Variants in ANKMY2 observed in about 807,000 individuals in gnomAD.
ANKMY2 encodes ankyrin repeat and MYND domain containing 2.
In ANKMY2, 36 loss-of-function variants were observed where a neutral mutation model predicts 50.4. The observed-to-expected ratio is 0.71, with a 90% CI of 0.55 to 0.94. The LOEUF is 0.94. Among genes scored for constraint, ANKMY2 ranks in the 40% least tolerant of loss-of-function variants. ANKMY2 has a pLI of 0.00. For synonymous variants in ANKMY2, 187 were observed against 178.8 expected (o/e 1.05, Z -0.36); for missense variants, 565 against 524.0 (o/e 1.08, Z -0.76).
chr7:16,604,754 C>G lies in ANKMY2; in HGVS notation c.978G>C (p.Lys326Asn). Residue 326 changes from lysine (K) to asparagine (N), a missense_variant, in exon 8 of 10, where the codon AAG becomes AAC. By Grantham distance (94) the Lys-to-Asn change is moderately conservative (BLOSUM62 0). Coordinates refer to ENST00000306999, the MANE Select transcript of ANKMY2 (RefSeq NM_020319.3). ...AAACTGAACATCTTTTACTTGCTCC[C>G]TTTTCTCCACAGGTAGTGCAAAATT... is the stretch of plus-strand genomic sequence containing the variant. Reference protein sequence around the residue: ...DVEFCTTCGEKGASKRCSVCK... With the variant: ...DVEFCTTCGENGASKRCSVCK... The G allele has an allele frequency of 6.2e-7, 1 of 1,613,952 alleles. No individual in the cohort carries two copies. The highest frequency in any genetic ancestry group is 8.5e-7 in the Non-Finnish European group (1 of 1,179,888).
chr7:16,639,190 C>T (rs189790509), intron 1 of ANKMY2, among the ~76,000 whole-genome samples: 1 of 152,330 alleles, frequency 6.6e-6, no homozygotes, highest in Admixed American at 6.5e-5. Context: ...AAACACATGG[C>T]TCACACAGAA....
intron 7 of ANKMY2, among the ~76,000 whole-genome samples, chr7:16,608,682 G>C (rs968336964): frequency 2.0e-5 from 3 of 152,172 alleles, no homozygotes; most frequent in African/African-American, 4.8e-5. Context: ...AATGGGTATA[G>C]ATAGGGTAAA....
In ANKMY2 at chr7:16,630,543, G is replaced by T. The variant is rs542828569; in HGVS notation, c.133-3365C>A. Reference sequence around the variant, plus strand: ...TCAATCAACATTAGGTTATTACATTGGAATTCTATGTCATTAAATGCAGCA... The same window carrying T: ...TCAATCAACATTAGGTTATTACATTTGAATTCTATGTCATTAAATGCAGCA... On this transcript the variant is annotated intron_variant, in intron 2 of 9. Transcript: ENST00000306999. Among the ~76,000 whole-genome samples the T allele has an allele frequency of 5.3e-5, 8 of 152,224 alleles. No individual in the cohort carries two copies. The East Asian group carries it at 1.4e-3, about 26-fold the overall frequency.
intron 2 of ANKMY2, among the ~76,000 whole-genome samples, chr7:16,631,187 T>C (rs1338427909): frequency 2.0e-5 from 3 of 152,228 alleles, no homozygotes; most frequent in African/African-American, 7.2e-5. Flanking sequence ...TTGTTTCTCT[T>C]TTATTCTGTA....
chr7:16,633,197 CTG>C (rs1781612078), intron 2 of ANKMY2, among the ~76,000 whole-genome samples: 1 of 150,398 alleles, frequency 6.6e-6, no homozygotes, highest in African/African-American at 2.4e-5. Context: ...ATTTTGTAGA[CTG>C]TCTTTTCACT....
At chr7:16,608,673 A>G (rs1345274418) in intron 7 of ANKMY2, among the ~76,000 whole-genome samples, 1 of 152,154 alleles carries the variant, frequency 6.6e-6, no homozygotes, top group African/African-American at 2.4e-5. Context: ...AAAAGCATGA[A>G]TGGGTATAGA....
intron 7 of ANKMY2, among the ~76,000 whole-genome samples, chr7:16,608,155 C>A (rs1015048001): frequency 2.6e-5 from 4 of 152,144 alleles, no homozygotes; most frequent in African/African-American, 7.2e-5. Context: ...CTATGCCAGA[C>A]CTAGTCTGCC....
chr7:16,642,312 A>G (rs996030805), intron 1 of ANKMY2, among the ~76,000 whole-genome samples: 9 of 152,230 alleles, frequency 5.9e-5, no homozygotes, highest in Non-Finnish European at 1.0e-4. Context: ...GGGTAACTCT[A>G]CAAGTCATAT....
In ANKMY2 at chr7:16,600,574, T is replaced by C. The variant is rs1781030524; in HGVS notation, c.*187A>G. Reference sequence around the variant, plus strand: ...TTCCATAGGAATATCCATTCAATTATAGAACAGAAATCAATAGGAAATTAG... The same window carrying C: ...TTCCATAGGAATATCCATTCAATTACAGAACAGAAATCAATAGGAAATTAG... On this transcript the variant is annotated 3_prime_UTR_variant, in exon 10 of 10. Transcript: ENST00000306999. 6.9e-6 allele frequency: 3 copies of C among 434,028 alleles called. No individual in the cohort carries two copies. The highest frequency in any genetic ancestry group is 3.6e-5 in the East Asian group (1 of 28,140). 26.9% of individuals were successfully genotyped at this position (434,028 alleles called of 1,614,324 possible). A position where few individuals can be genotyped will look rare whatever the true frequency, so the allele number is the denominator to read the frequency against.
In ANKMY2 at chr7:16,633,944, T is replaced by A. The variant is rs181317114; in HGVS notation, c.132+2447A>T. Among the ~76,000 whole-genome samples the A allele has an allele frequency of 1.2e-3, 181 of 152,292 alleles. 3 individuals carry two copies. Among genetic ancestry groups the A allele is most frequent in the African/African-American group, 4.1e-3 (170 of 41,572 alleles). On this transcript the variant is annotated intron_variant, in intron 2 of 9. Transcript: ENST00000306999. ...AAAAGGCTTAAGGCTATTATGTTCT[T>A]GGTGTATTATTAATTTAATATATAA...
intron 2 of ANKMY2, among the ~76,000 whole-genome samples, chr7:16,628,566 A>G (rs969509314): frequency 5.3e-5 from 8 of 152,076 alleles, no homozygotes; most frequent in Admixed American, 5.2e-4. Flanking sequence ...AGGGAGTAGG[A>G]ATGGACTGCA....
intron 2 of ANKMY2, among the ~76,000 whole-genome samples, chr7:16,628,096 T>C (rs928336557): frequency 2.0e-5 from 3 of 152,228 alleles, no homozygotes; most frequent in African/African-American, 7.2e-5. Context: ...GGCACTACTA[T>C]TATTTGGTAG....
intron 1 of ANKMY2, among the ~76,000 whole-genome samples, chr7:16,644,043 A>G (rs1183740544): frequency 1.3e-5 from 2 of 152,162 alleles, no homozygotes; most frequent in Non-Finnish European, 2.9e-5. Flanking sequence ...AGAGAGAGAG[A>G]GGACATGTAC....
At chr7:16,613,073 G>C (rs1781281167) in intron 5 of ANKMY2, among the ~76,000 whole-genome samples, 3 of 152,064 alleles carry the variant, frequency 2.0e-5, no homozygotes, top group African/African-American at 7.3e-5. Flanking sequence ...GTGCACATCT[G>C]CCTCCTGTAC....
intron 2 of ANKMY2, among the ~76,000 whole-genome samples, chr7:16,631,715 A>C (rs924335735): frequency 6.6e-6 from 1 of 151,860 alleles, no homozygotes; most frequent in South Asian, 2.1e-4. Flanking sequence ...CCAGGGTTCA[A>C]GCGATTCTCC....
In ANKMY2 at chr7:16,600,728, G is replaced by A; in HGVS notation, c.*33C>T. 2 of 1,564,422 alleles carry A rather than the reference G, an allele frequency of 1.3e-6. No individual in the cohort carries two copies. Among genetic ancestry groups the A allele is most frequent in the Non-Finnish European group, 1.7e-6 (2 of 1,153,856 alleles). On this transcript the variant is annotated 3_prime_UTR_variant, in exon 10 of 10. Coordinates refer to ENST00000306999, the MANE Select transcript of ANKMY2 (RefSeq NM_020319.3). ...GGAGTTTTCCAGCTTCTTGCAGGGTGAGGATCATCCACACTGGCACTTGCT... is the reference window on the plus strand; with the variant it reads ...GGAGTTTTCCAGCTTCTTGCAGGGTAAGGATCATCCACACTGGCACTTGCT...
At chr7:16,636,524 G>C (rs193069357) in intron 1 of ANKMY2, 69 bp from the exon 2 acceptor site, 18 of 1,274,334 alleles carry the variant, frequency 1.4e-5, no homozygotes, top group Non-Finnish European at 2.0e-5. Context: ...CTAACATCAA[G>C]GAAATAAACC....
chr7:16,619,894 A>G (rs1441892423), intron 4 of ANKMY2, among the ~76,000 whole-genome samples: 1 of 152,190 alleles, frequency 6.6e-6, no homozygotes, highest in African/African-American at 2.4e-5. Flanking sequence ...CTGAAAATCA[A>G]ATGCTCTTCC....
At chr7:16,604,933 C>A in intron 7 of ANKMY2, 84 bp from the exon 8 acceptor site, 1 of 1,322,488 alleles carries the variant, frequency 7.6e-7, no homozygotes, top group Non-Finnish European at 1.0e-6. Context: ...CGGACACTGC[C>A]GTCCTACAAT....
Sources: allele counts gnomAD v4.1 joint callset (sites outside exome capture counted in the v4.1 genomes callset), GRCh38; gene constraint gnomAD v4.1.1; transcripts MANE v1.5; gene names NCBI Gene and HGNC (gene_info 2026-07-23, HGNC 2026-07-21).